Variants in NSD2 observed in about 807,000 individuals in gnomAD.
The protein encoded by NSD2 is nuclear receptor binding SET domain protein 2, also known as histone-lysine N-methyltransferase NSD2.
Under a neutral mutation model 139.0 loss-of-function variants are expected in NSD2, and 12 were observed. The ratio of observed to expected loss-of-function variants is 0.09; its 90% CI spans 0.06 to 0.14. The LOEUF (loss-of-function observed/expected upper bound fraction) is 0.14, where lower values mean the gene tolerates loss of function less well. Among genes scored for constraint, NSD2 ranks in the 10% least tolerant of loss-of-function variants. The pLI is 1.00. For synonymous variants in NSD2, 669 were observed against 648.7 expected (o/e 1.03, Z -0.48); for missense variants, 1,155 against 1,745.0 (o/e 0.66, Z 6.02).
Position 1,976,790 on chromosome 4 carries a change from C to T in NSD2, c.3826+111C>T. The T allele has an allele frequency of 8.5e-7, 1 of 1,175,286 alleles. No homozygotes were observed. Among genetic ancestry groups the T allele is most frequent in the Non-Finnish European group, 1.2e-6 (1 of 853,998 alleles). 72.8% of individuals were successfully genotyped at this position (1,175,286 alleles called of 1,614,324 possible). Reference sequence around the variant, plus strand: ...GGGCCTCATCTGGGTGCAGGCACATCAGGCGCTCATGCAGCGAAGGCCCTG... The same window carrying T: ...GGGCCTCATCTGGGTGCAGGCACATTAGGCGCTCATGCAGCGAAGGCCCTG... On this transcript the variant is annotated intron_variant, in intron 21 of 21. Coordinates refer to ENST00000508803, the MANE Select transcript of NSD2 (RefSeq NM_001042424.3). The surrounding 1 kb of genome is among the most constrained non-coding windows in gnomAD (Gnocchi z 5.3).
chr4:1,975,756 T>C, intron 20 of NSD2: 1 of 246,052 alleles, frequency 4.1e-6, no homozygotes, highest in East Asian at 9.4e-5. Flanking sequence ...CCTTGGCTTG[T>C]AGCAGCACCG....
In NSD2 at chr4:1,942,070, T is replaced by A; in HGVS notation, c.1881+2292T>A. On this transcript the variant is annotated intron_variant, in intron 9 of 21. Transcript: ENST00000508803. This position sits in a 1 kb window ranked among gnomAD's most constrained non-coding sequence, Gnocchi z 4.0. ...TTCATCACATTTGTTTGAAATAAGG[T>A]ACTTTTATAGGGTTGGTATTTCAGA... 8.5e-7 allele frequency: 1 copy of A among 1,171,238 alleles called. No individual in the cohort carries two copies. The highest frequency in any genetic ancestry group is 1.1e-6 in the Non-Finnish European group (1 of 943,628). The allele number at this position is 1,171,238 out of a possible 1,614,324, so 72.6% of individuals were successfully genotyped here.
At chr4:1,890,643 C>T (rs1476877471) in intron 1 of NSD2, among the ~76,000 whole-genome samples, 1 of 151,554 alleles carries the variant, frequency 6.6e-6, no homozygotes, top group Non-Finnish European at 1.5e-5. Flanking sequence ...CTTTCGTTGC[C>T]CAGGCTGGAG....
chr4:1,970,799 T>G (rs1191103338), intron 18 of NSD2, among the ~76,000 whole-genome samples: 1 of 152,068 alleles, frequency 6.6e-6, no homozygotes, highest in Non-Finnish European at 1.5e-5. Context: ...CATGTGGGCA[T>G]GCAGGCTGAC....
chr4:1,880,205 A>G (rs1215442689), intron 1 of NSD2, among the ~76,000 whole-genome samples: 1 of 152,170 alleles, frequency 6.6e-6, no homozygotes, highest in East Asian at 1.9e-4. Context: ...ATCTTTCAGC[A>G]GCAAAGCATC....
At chr4:1,896,364 C>G (rs1379708934) in intron 1 of NSD2, among the ~76,000 whole-genome samples, 1 of 152,234 alleles carries the variant, frequency 6.6e-6, no homozygotes, top group Non-Finnish European at 1.5e-5. Context: ...CCTGGAGATT[C>G]TCTCTATTGC....
intron 18 of NSD2, among the ~76,000 whole-genome samples, chr4:1,963,254 C>T (rs1048147883): frequency 2.0e-5 from 3 of 152,114 alleles, no homozygotes; most frequent in African/African-American, 4.8e-5. Flanking sequence ...AGGACCATGG[C>T]GTGTAGAGCA....
chr4:1,955,665 G>A lies in NSD2; in HGVS notation c.2519-28G>A, dbSNP rs761312630. The A allele has an allele frequency of 6.3e-7, 1 of 1,599,620 alleles. No individual in the cohort carries two copies. The highest frequency in any genetic ancestry group is 8.5e-7 in the Non-Finnish European group (1 of 1,172,354). Reference sequence around the variant, plus strand: ...GGCTGAGCCATAGCAGACAGGCTAAGCCTGGCCGCCTCGCCCTCCTCTTGC... The same window carrying A: ...GGCTGAGCCATAGCAGACAGGCTAAACCTGGCCGCCTCGCCCTCCTCTTGC... On this transcript the variant is annotated intron_variant, in intron 13 of 21. Transcript: ENST00000508803. This position sits in a 1 kb window ranked among gnomAD's most constrained non-coding sequence, Gnocchi z 4.7.
At chr4:1,933,459 G>T (rs1466889747) in intron 6 of NSD2, among the ~76,000 whole-genome samples, 1 of 152,122 alleles carries the variant, frequency 6.6e-6, no homozygotes, top group Non-Finnish European at 1.5e-5. Context: ...GCGCGATCTC[G>T]GCTCACTGCA....
intron 1 of NSD2, among the ~76,000 whole-genome samples, chr4:1,877,100 G>A (rs1714318412): frequency 6.6e-6 from 1 of 151,298 alleles, no homozygotes; most frequent in Non-Finnish European, 1.5e-5. Context: ...TCATGCTACT[G>A]CACTCCAGCC....
intron 3 of NSD2, among the ~76,000 whole-genome samples, chr4:1,905,842 G>C (rs1717821059): frequency 6.6e-6 from 1 of 152,190 alleles, no homozygotes; most frequent in South Asian, 2.1e-4. Context: ...TCCTTTCCAA[G>C]GGGTTGCGGG....
At chr4:1,944,483 A>C in intron 9 of NSD2, 10 of 1,065,640 alleles carry the variant, frequency 9.4e-6, no homozygotes, top group Non-Finnish European at 1.0e-5. Flanking sequence ...TTTTAGTCCC[A>C]TTTGACTCAC....
At chr4:1,888,365 A>G (rs2108691653) in intron 1 of NSD2, among the ~76,000 whole-genome samples, 1 of 137,996 alleles carries the variant, frequency 7.2e-6, no homozygotes, top group Middle Eastern at 3.9e-3. Flanking sequence ...GTGAGCTGAG[A>G]TCAGGCCACT....
At chr4:1,921,781 C>CAAA (rs748895885) in intron 5 of NSD2, among the ~76,000 whole-genome samples, 8 of 64,972 alleles carry the variant, frequency 1.2e-4, no homozygotes, top group African/African-American at 2.7e-4. Flanking sequence ...GACTCTGTCT[C>CAAA]AAAAAAAAAA....
intron 1 of NSD2, among the ~76,000 whole-genome samples, chr4:1,884,875 G>A (rs1011451822): frequency 3.3e-5 from 5 of 151,834 alleles, no homozygotes; most frequent in African/African-American, 9.7e-5. Context: ...TTGGGAGGCC[G>A]AGGCAGGCGG....
intron 1 of NSD2, among the ~76,000 whole-genome samples, chr4:1,897,606 C>A (rs1212239249): frequency 2.0e-5 from 3 of 152,106 alleles, no homozygotes; most frequent in Non-Finnish European, 4.4e-5. Context: ...AAGACAAGAT[C>A]CCGTCTCTAC....
rs1723210746 is a variant in NSD2, at chr4:1,942,598, C to G, written c.1881+2820C>G. 1 of 1,312,982 alleles carries G rather than the reference C, an allele frequency of 7.6e-7. No individual in the cohort carries two copies. The allele number at this position is 1,312,982 out of a possible 1,614,324, so 81.3% of individuals were successfully genotyped here. Reference sequence around the variant, plus strand: ...AACTAATCAAGGCCATTTAATCCGTCACATTCATCTCATAATAGAAACACG... The same window carrying G: ...AACTAATCAAGGCCATTTAATCCGTGACATTCATCTCATAATAGAAACACG... On this transcript the variant is annotated intron_variant, in intron 9 of 21. Transcript: ENST00000508803. The surrounding 1 kb of genome is among the most constrained non-coding windows in gnomAD (Gnocchi z 4.0).
intron 5 of NSD2, among the ~76,000 whole-genome samples, chr4:1,922,664 G>A (rs1341112153): frequency 5.3e-5 from 8 of 152,294 alleles, no homozygotes; most frequent in African/African-American, 1.7e-4. Context: ...GGTGGCTTAC[G>A]CCTGTAATCC....
At chr4:1,897,730 G>T (rs1311148627) in intron 1 of NSD2, among the ~76,000 whole-genome samples, 1 of 152,144 alleles carries the variant, frequency 6.6e-6, no homozygotes, top group Non-Finnish European at 1.5e-5. Flanking sequence ...GGGTTCAAGC[G>T]ATTCTCCTGC....
Sources: gnomAD v4.1 joint callset for allele counts (sites outside exome capture counted in the v4.1 genomes callset) on GRCh38, gnomAD v4.1.1 for gene constraint, Gnocchi (gnomAD v3.1) non-coding constraint, MANE v1.5 for transcripts, NCBI Gene and HGNC (gene_info 2026-07-23, HGNC 2026-07-21) for gene names.